SGSM1: variants seen among roughly 807,000 people sequenced by gnomAD.
SGSM1 encodes RUN and TBC1 domain containing 2.
A neutral mutation model predicts 133.8 loss-of-function variants in SGSM1; 73 were observed. The ratio of observed to expected loss-of-function variants is 0.55; its 90% CI spans 0.45 to 0.66. The LOEUF (loss-of-function observed/expected upper bound fraction) is 0.66, where lower values mean the gene tolerates loss of function less well. Among genes scored for constraint, SGSM1 ranks in the 30% least tolerant of loss-of-function variants. SGSM1 has a pLI of 0.00. For missense variants in SGSM1, 1,213 were observed against 1,448.1 expected (o/e 0.84, Z 2.64); for synonymous variants, 563 against 573.0 (o/e 0.98, Z 0.25).
chr22:24,865,669 A>C (rs1253131448), intron 9 of SGSM1, among the ~76,000 whole-genome samples: 1 of 152,176 alleles, frequency 6.6e-6, no homozygotes, highest in Non-Finnish European at 1.5e-5. Flanking sequence ...ACACCAAGAC[A>C]GGATTGAACC....
intron 2 of SGSM1, among the ~76,000 whole-genome samples, chr22:24,819,517 C>T (rs1997887): frequency 0.31 from 46,669 of 151,962 alleles, 7,496 homozygotes; most frequent in East Asian, 0.59. Flanking sequence ...AACTGAGGCC[C>T]GAGGTCACCC....
intron 2 of SGSM1, among the ~76,000 whole-genome samples, chr22:24,838,754 C>CAT (rs1178982473): frequency 2.6e-5 from 4 of 151,878 alleles, no homozygotes; most frequent in Non-Finnish European, 5.9e-5. Context: ...GACAGTACCA[C>CAT]ATTGTTTTGA....
intron 3 of SGSM1, among the ~76,000 whole-genome samples, chr22:24,847,333 G>A (rs1930203586): frequency 6.6e-6 from 1 of 152,186 alleles, no homozygotes; most frequent in Non-Finnish European, 1.5e-5. Flanking sequence ...GAGAGCACTG[G>A]TTTGCTCTTT....
intron 2 of SGSM1, among the ~76,000 whole-genome samples, chr22:24,815,812 C>T (rs1410103667): frequency 6.6e-6 from 1 of 152,080 alleles, no homozygotes; most frequent in Non-Finnish European, 1.5e-5. Flanking sequence ...GTGGGTTATG[C>T]AGTCATGCTG....
At position 24,924,719 on chromosome 22, in the gene SGSM1, G is replaced by C. The variant is rs534094082; in HGVS notation, c.*445G>C. 5.6e-6 allele frequency: 1 copy of C among 178,194 alleles called. No individual in the cohort carries two copies. 11.0% of individuals were successfully genotyped at this position (178,194 alleles called of 1,614,324 possible). ...TGCTCCTCTGCAAGGGGCCTTTGGC[G>C]ATGTTCTGGACATGGCTGAAGATTG... On this transcript the variant is annotated 3_prime_UTR_variant, in exon 25 of 25. Coordinates refer to ENST00000400358, the MANE Select transcript of SGSM1 (RefSeq NM_001098497.3).
intron 23 of SGSM1, among the ~76,000 whole-genome samples, chr22:24,918,223 G>C (rs1314214100): frequency 6.6e-6 from 1 of 152,110 alleles, no homozygotes; most frequent in African/African-American, 2.4e-5. Context: ...ATCTGACATG[G>C]GCCGGGTGCA....
intron 12 of SGSM1, among the ~76,000 whole-genome samples, chr22:24,872,918 C>T (rs1239412319): frequency 8.2e-6 from 1 of 122,294 alleles, no homozygotes; most frequent in Non-Finnish European, 1.7e-5. Flanking sequence ...GACTCCATCT[C>T]AAAAAAAAAA....
At chr22:24,887,705 C>T (rs1282569581) in intron 16 of SGSM1, among the ~76,000 whole-genome samples, 5 of 152,102 alleles carry the variant, frequency 3.3e-5, no homozygotes, top group Admixed American at 6.6e-5. Context: ...GCAAGAGGTT[C>T]GCTTGAGCTC....
At chr22:24,814,239 C>A (rs1927926032) in intron 2 of SGSM1, 1 of 151,778 alleles carries the variant, frequency 6.6e-6, no homozygotes, top group African/African-American at 2.4e-5. Context: ...CAGGGCTTAA[C>A]TAATGTCATT....
intron 4 of SGSM1, among the ~76,000 whole-genome samples, chr22:24,849,743 A>T (rs1349626155): frequency 1.3e-5 from 2 of 152,176 alleles, no homozygotes; most frequent in South Asian, 2.1e-4. Context: ...AGTGAGAGGG[A>T]TCAGCCTGGG....
At chr22:24,890,539 T>A (rs894932114) in intron 16 of SGSM1, among the ~76,000 whole-genome samples, 5 of 151,988 alleles carry the variant, frequency 3.3e-5, no homozygotes, top group Admixed American at 1.3e-4. Context: ...TATATGTTTT[T>A]TTATTATTAT....
intron 2 of SGSM1, among the ~76,000 whole-genome samples, chr22:24,811,510 TCA>T (rs1927741313): frequency 6.6e-6 from 1 of 152,126 alleles, no homozygotes; most frequent in Non-Finnish European, 1.5e-5. Context: ...CCAGAATGCC[TCA>T]GTTTCTCACC....
intron 16 of SGSM1, among the ~76,000 whole-genome samples, chr22:24,891,597 G>T (rs1254502592): frequency 6.6e-6 from 1 of 152,168 alleles, no homozygotes; most frequent in Non-Finnish European, 1.5e-5. Context: ...TTCCTGGGGA[G>T]TCAGTAACTG....
rs1031531437 is a variant in SGSM1 at position 24,925,163 on chromosome 22, C to G, written c.*889C>G. The G allele has an allele frequency of 2.6e-5, 4 of 152,170 alleles. No individual in the cohort carries two copies. Among genetic ancestry groups the G allele is most frequent in the Admixed American group, 2.6e-4 (4 of 15,258 alleles). The allele number at this position is 152,170 out of a possible 1,614,324, so 9.4% of individuals were successfully genotyped here. ...ACAAGGTCAGGAGTTTTGAGACCAG[C>G]CTGGCCAACATGGTGAAACCCCATC... On this transcript the variant is annotated 3_prime_UTR_variant, in exon 25 of 25. Coordinates refer to ENST00000400358, the MANE Select transcript of SGSM1 (RefSeq NM_001098497.3).
chr22:24,851,838 A>G (rs1232891813), intron 5 of SGSM1, among the ~76,000 whole-genome samples: 1 of 152,190 alleles, frequency 6.6e-6, no homozygotes, highest in Non-Finnish European at 1.5e-5. Context: ...TGGTGGAGGG[A>G]ATAGCAGGTG....
At chr22:24,890,202 C>G (rs986891836) in intron 16 of SGSM1, among the ~76,000 whole-genome samples, 1 of 152,062 alleles carries the variant, frequency 6.6e-6, no homozygotes, top group East Asian at 1.9e-4. Context: ...GTGATCCGCC[C>G]GCCTTGGCCT....
chr22:24,842,045 A>C (rs759388141), intron 2 of SGSM1, among the ~76,000 whole-genome samples: 5 of 152,072 alleles, frequency 3.3e-5, no homozygotes, highest in Non-Finnish European at 5.9e-5. Context: ...GTCCTCTACC[A>C]TCTACGACTA....
At chr22:24,855,186 G>A (rs781030078) in intron 6 of SGSM1, 99 bp from the exon 7 acceptor site, 21 of 1,548,922 alleles carry the variant, frequency 1.4e-5, no homozygotes, top group Non-Finnish European at 1.8e-5. Flanking sequence ...TGTTCTAGCT[G>A]GCTGGAGGGG....
chr22:24,917,819 T>A, intron 23 of SGSM1, 65 bp downstream of exon 23: 2 of 1,403,002 alleles, frequency 1.4e-6, no homozygotes, highest in South Asian at 1.3e-5. Context: ...GGGGAAAAGA[T>A]CCCGTGGAGG....
Sources: allele counts gnomAD v4.1 joint callset (sites outside exome capture counted in the v4.1 genomes callset), GRCh38; gene constraint gnomAD v4.1.1; transcripts MANE v1.5; gene names NCBI Gene and HGNC (gene_info 2026-07-23, HGNC 2026-07-21).